ZNF836: variants seen among roughly 807,000 people sequenced by gnomAD.
ZNF836 encodes zinc finger protein 836.
In ZNF836, 12 loss-of-function variants were observed where a neutral mutation model predicts 7.4. That is an observed-to-expected ratio of 1.61 (90% CI 1.03 to 2.61). The LOEUF is 2.61. Among genes scored for constraint, ZNF836 ranks in the 30% most tolerant of loss-of-function variants. The probability of loss-of-function intolerance (pLI) is 0.00; values close to 1 mark genes in which losing one functional copy is unlikely to be tolerated. For missense variants in ZNF836, 998 were observed against 1,126.2 expected (o/e 0.89, Z 1.63); for synonymous variants, 365 against 382.6 (o/e 0.95, Z 0.54).
At chr19:52,163,632 G>C (rs1425565384) in intron 3 of ZNF836, among the ~76,000 whole-genome samples, 3 of 152,096 alleles carry the variant, frequency 2.0e-5, no homozygotes, top group Admixed American at 6.5e-5. Flanking sequence ...ATGAGATTTG[G>C]GTGGAGACAC....
At chr19:52,169,359 C>G (rs2089290691) in intron 2 of ZNF836, among the ~76,000 whole-genome samples, 1 of 152,170 alleles carries the variant, frequency 6.6e-6, no homozygotes, top group South Asian at 2.1e-4. Context: ...GCCGGCAGAT[C>G]ACCTGAGGTT....
intron 3 of ZNF836, among the ~76,000 whole-genome samples, chr19:52,164,481 G>A (rs1390426658): frequency 1.0e-5 from 1 of 95,832 alleles, no homozygotes; most frequent in East Asian, 2.2e-4. Flanking sequence ...AGGAAGGAAA[G>A]AAAGAGAAAG....
chr19:52,163,072 A>T (rs1271430680), intron 3 of ZNF836, among the ~76,000 whole-genome samples: 1 of 152,134 alleles, frequency 6.6e-6, no homozygotes, highest in Non-Finnish European at 1.5e-5. Flanking sequence ...CGAGGTCCGA[A>T]GGGCACCCTG....
Position 52,156,620 on chromosome 19 carries a change from C to A in ZNF836, c.1063G>T (p.Glu355Ter), listed in dbSNP as rs372160044. The A allele has an allele frequency of 6.2e-7, 1 of 1,613,332 alleles. No homozygotes were observed. The highest frequency in any genetic ancestry group is 8.5e-7 in the Non-Finnish European group (1 of 1,179,562). The change falls in exon 5 of 5, where the codon GAG becomes TAG. Residue 355 changes from glutamate (E) to a stop codon, truncating the protein, a stop_gained. Transcript: ENST00000682614. LOFTEE classifies it low-confidence loss of function (END_TRUNC). The stretch of plus-strand genomic sequence containing the variant: ...CATATATCACATTGATATGGTTTCT[C>A]TCCTGTATGGATTATCTGATGTGTA... Reference protein sequence around the residue: ...LTTHQIIHTGEKPYQCDICGK... With the variant: ...LTTHQIIHTG
At chr19:52,158,509 C>A (rs1347533676) in intron 4 of ZNF836, among the ~76,000 whole-genome samples, 1 of 152,070 alleles carries the variant, frequency 6.6e-6, no homozygotes, top group Non-Finnish European at 1.5e-5. Context: ...CTTTGGGAGG[C>A]TGAGGTGGGT....
chr19:52,160,396 AAAGAC>A (rs760495877), intron 4 of ZNF836, 64 bp downstream of exon 4: 3 of 1,604,320 alleles, frequency 1.9e-6, no homozygotes, highest in Non-Finnish European at 2.6e-6. Flanking sequence ...GGCTCCCAAG[AAAGAC>A]AACAGAGAAA....
chr19:52,171,276 G>C (rs893284760), intron 1 of ZNF836, 60 bp downstream of exon 1: 1 of 152,424 alleles, frequency 6.6e-6, no homozygotes, highest in South Asian at 2.1e-4. Flanking sequence ...GAAAGGCAGG[G>C]AGCAAGGAAC....
chr19:52,169,447 C>T (rs797016937), intron 2 of ZNF836, among the ~76,000 whole-genome samples: 2 of 152,200 alleles, frequency 1.3e-5, no homozygotes, highest in African/African-American at 4.8e-5. Flanking sequence ...GGCGTGGTGG[C>T]ACATGCCTGT....
chr19:52,168,120 C>G lies in ZNF836; in HGVS notation c.-48G>C. On this transcript the variant is annotated 5_prime_UTR_variant, in exon 3 of 5. Coordinates refer to ENST00000682614, the MANE Select transcript of ZNF836 (RefSeq NM_001102657.3). ...TTCTTCCTCTTCTGGGCTTCTCTCT[C>G]AGTCAATATAATTAATTCTTTACAA... 6.3e-7 allele frequency: 1 copy of G among 1,599,696 alleles called. No homozygotes were observed. The highest frequency in any genetic ancestry group is 8.5e-7 in the Non-Finnish European group (1 of 1,175,684).
rs1000871211 is a variant in ZNF836 at position 52,168,776 on chromosome 19, G to A, written c.-80-624C>T. On this transcript the variant is annotated intron_variant, in intron 2 of 4. Coordinates refer to ENST00000682614, the MANE Select transcript of ZNF836 (RefSeq NM_001102657.3). ...AACATGGATGAACCATGCAATCTCC[G>A]CCTCCCAGGTTCAAGCGATTCTCCT... is the stretch of plus-strand genomic sequence containing the variant. Among the ~76,000 whole-genome samples, 7 of 151,882 alleles carry A rather than the reference G, an allele frequency of 4.6e-5. No homozygotes were observed. The East Asian group carries it at 7.7e-4, about 17-fold the overall frequency.
intron 2 of ZNF836, 79 bp from the exon 3 acceptor site, chr19:52,168,231 AC>A (rs2089282481): frequency 1.1e-6 from 1 of 902,758 alleles, no homozygotes; most frequent in Non-Finnish European, 1.7e-6. Context: ...CACAGGGAAG[AC>A]CTCAGCATGT....
At chr19:52,164,886 G>A (rs996414948) in intron 3 of ZNF836, among the ~76,000 whole-genome samples, 4 of 152,186 alleles carry the variant, frequency 2.6e-5, no homozygotes, top group African/African-American at 9.6e-5. Context: ...TCAGGAGTTT[G>A]AGACCAGCTT....
intron 3 of ZNF836, among the ~76,000 whole-genome samples, chr19:52,166,165 T>G (rs576842019): frequency 6.6e-6 from 1 of 152,068 alleles, no homozygotes; most frequent in African/African-American, 2.4e-5. Flanking sequence ...CTAATTTTTG[T>G]ATTTTTAGTA....
chr19:52,154,238 C>T lies in ZNF836; in HGVS notation c.*634G>A, dbSNP rs1175217528. On this transcript the variant is annotated 3_prime_UTR_variant, in exon 5 of 5. Transcript: ENST00000682614. ...GCTAATGTTTATATTTTAGTAGAGA[C>T]AACTGTTCACCACGTTGACCAGCCT... The T allele has an allele frequency of 6.6e-6, 1 of 151,750 alleles. No individual in the cohort carries two copies. The highest frequency in any genetic ancestry group is 2.4e-5 in the African/African-American group (1 of 41,296). 9.4% of individuals were successfully genotyped at this position (151,750 alleles called of 1,614,324 possible).
intron 3 of ZNF836, among the ~76,000 whole-genome samples, chr19:52,165,634 C>T (rs2089256170): frequency 6.6e-6 from 1 of 151,822 alleles, no homozygotes; most frequent in Non-Finnish European, 1.5e-5. Flanking sequence ...AACCTGGGTT[C>T]CCCCAGGTTG....
chr19:52,166,658 C>T (rs1568574274), intron 3 of ZNF836, among the ~76,000 whole-genome samples: 1 of 150,298 alleles, frequency 6.7e-6, no homozygotes, highest in African/African-American at 2.4e-5. Context: ...ACTGCAAGCT[C>T]CACCTCCTGG....
intron 3 of ZNF836, among the ~76,000 whole-genome samples, chr19:52,165,026 G>C (rs1428514019): frequency 6.6e-6 from 1 of 152,108 alleles, no homozygotes. Context: ...GGAGGCGGAG[G>C]TTGCAGTTGG....
Position 52,154,979 on chromosome 19 carries a change from G to T in ZNF836, c.2704C>A (p.Arg902Ser). The T allele has an allele frequency of 6.2e-7, 1 of 1,610,282 alleles. No homozygotes were observed. Among genetic ancestry groups the T allele is most frequent in the Non-Finnish European group, 8.5e-7 (1 of 1,177,726 alleles). Residue 902 changes from arginine (R) to serine (S), a missense_variant, in exon 5 of 5, where the codon CGC becomes AGC. By Grantham distance (110) the Arg-to-Ser change is moderately radical (BLOSUM62 -1). Coordinates refer to ENST00000682614, the MANE Select transcript of ZNF836 (RefSeq NM_001102657.3). ...GTCTGATGTTTAGTGAGGCCTGAGC[G>T]ACTAATGAAAGATTTGCCACACTCA... ...CNECGKSFIS[R>S]SGLTKHQTKH...
intron 3 of ZNF836, among the ~76,000 whole-genome samples, chr19:52,163,173 T>C (rs1220224366): frequency 6.6e-6 from 1 of 152,186 alleles, no homozygotes; most frequent in African/African-American, 2.4e-5. Context: ...TAAAATGCCT[T>C]TGGGATGATT....
Sources: allele counts gnomAD v4.1 joint callset (sites outside exome capture counted in the v4.1 genomes callset), GRCh38; gene constraint gnomAD v4.1.1; transcripts MANE v1.5; gene names NCBI Gene and HGNC (gene_info 2026-07-23, HGNC 2026-07-21).